The following MCTP1 variants were observed in gnomAD, a reference collection of about 807,000 sequenced individuals.
MCTP1 encodes the protein multiple C2 and transmembrane domain containing 1.
Under a neutral mutation model 120.6 loss-of-function variants are expected in MCTP1, and 69 were observed. The observed-to-expected ratio is 0.57, with a 90% CI of 0.47 to 0.70. The LOEUF (loss-of-function observed/expected upper bound fraction) is 0.70, where lower values mean the gene tolerates loss of function less well. Among genes scored for constraint, MCTP1 ranks in the 30% least tolerant of loss-of-function variants. The probability of loss-of-function intolerance (pLI) is 0.00; values close to 1 mark genes in which losing one functional copy is unlikely to be tolerated. For synonymous variants in MCTP1, 529 were observed against 493.1 expected, an observed-to-expected ratio of 1.07 and a Z score of -0.96; for missense variants, 1,203 against 1,248.8, an observed-to-expected ratio of 0.96 and a Z score of 0.55.
intron 1 of MCTP1, among the ~76,000 whole-genome samples, chr5:95,164,468 A>G (rs1280208249): frequency 2.6e-5 from 4 of 152,200 alleles, no homozygotes; most frequent in Non-Finnish European, 5.9e-5. Context: ...TCATACAGCA[A>G]ATTAATTACC....
At chr5:95,042,962 T>C (rs1372149256) in intron 1 of MCTP1, among the ~76,000 whole-genome samples, 3 of 152,228 alleles carry the variant, frequency 2.0e-5, no homozygotes, top group South Asian at 4.1e-4. Context: ...TTTTGTCTTA[T>C]GTAGATCTTG....
intron 2 of MCTP1, among the ~76,000 whole-genome samples, chr5:94,980,473 G>A (rs1829153047): frequency 6.6e-6 from 1 of 152,072 alleles, no homozygotes; most frequent in South Asian, 2.1e-4. Context: ...GGAATTCAAT[G>A]AAATATTGAA....
chr5:95,126,350 G>T (rs921852494), intron 1 of MCTP1, among the ~76,000 whole-genome samples: 1 of 152,094 alleles, frequency 6.6e-6, no homozygotes, highest in Admixed American at 6.6e-5. Context: ...GTTTAACTTG[G>T]CTCATATTAA....
intron 8 of MCTP1, among the ~76,000 whole-genome samples, chr5:94,915,161 T>C (rs1809724176): frequency 6.6e-6 from 1 of 152,186 alleles, no homozygotes; most frequent in Non-Finnish European, 1.5e-5. Flanking sequence ...CATATCTACA[T>C]TACAACATTT....
intron 21 of MCTP1, chr5:94,710,322 T>C (rs1489593077): frequency 6.5e-6 from 1 of 152,826 alleles, no homozygotes; most frequent in Non-Finnish European, 1.5e-5. Flanking sequence ...TTAGTACACA[T>C]AAAAGGATCC....
At chr5:95,007,748 T>G (rs1581807420) in intron 2 of MCTP1, among the ~76,000 whole-genome samples, 1 of 152,228 alleles carries the variant, frequency 6.6e-6, no homozygotes, top group Non-Finnish European at 1.5e-5. Context: ...GAAACTTCAC[T>G]GGGGGTAAAC....
At chr5:94,826,561 T>G (rs574789188) in intron 17 of MCTP1, 7 of 726,628 alleles carry the variant, frequency 9.6e-6, no homozygotes, top group African/African-American at 1.7e-5. Context: ...GCTTCCTCCT[T>G]CCCTTTCAAA....
intron 1 of MCTP1, among the ~76,000 whole-genome samples, chr5:95,041,311 G>GAAAAAAAA (rs58379749): frequency 1.3e-3 from 118 of 89,618 alleles, no homozygotes; most frequent in Non-Finnish European, 1.6e-3. Context: ...CCCATGCTCT[G>GAAAAAAAA]AAAAAAAAAA....
intron 19 of MCTP1, among the ~76,000 whole-genome samples, chr5:94,777,927 C>CGCGT (rs112194344): frequency 1.5e-4 from 23 of 148,962 alleles, no homozygotes; most frequent in African/African-American, 5.5e-4. Context: ...AGAAAGTGTG[C>CGCGT]GTGTGTGTGT....
chr5:94,858,351 G>C (rs976298761), intron 17 of MCTP1, among the ~76,000 whole-genome samples: 1 of 151,580 alleles, frequency 6.6e-6, no homozygotes, highest in Admixed American at 6.6e-5. Context: ...AGTGTGATGT[G>C]ATTTCCACTA....
intron 17 of MCTP1, among the ~76,000 whole-genome samples, chr5:94,815,242 C>T (rs7707642): frequency 0.12 from 18,165 of 152,170 alleles, 1,281 homozygotes; most frequent in East Asian, 0.26. Flanking sequence ...TCTAGGATAA[C>T]CCCATATCTT....
intron 1 of MCTP1, among the ~76,000 whole-genome samples, chr5:95,063,170 T>G (rs1749713853): frequency 6.6e-6 from 1 of 152,178 alleles, no homozygotes; most frequent in South Asian, 2.1e-4. Flanking sequence ...TAAAACAAAT[T>G]TCCCCAACAC....
intron 1 of MCTP1, among the ~76,000 whole-genome samples, chr5:95,138,332 C>A (rs1360216931): frequency 6.6e-6 from 1 of 151,144 alleles, no homozygotes; most frequent in Non-Finnish European, 1.5e-5. Flanking sequence ...AAAACAAGGC[C>A]CAGAGAGCTT....
rs951038417 is a variant in MCTP1, at chr5:94,821,331, T to G, written c.2437-22199A>C. ...CACTGAGCAACTAATGGGCTTAAAA[T>G]AGAAATATCAAGAAAATTGTGAATC... On this transcript the variant is annotated intron_variant, in intron 17 of 22. Transcript: ENST00000515393. Among the ~76,000 whole-genome samples, 4 of 152,304 alleles carry G rather than the reference T, an allele frequency of 2.6e-5. No individual in the cohort carries two copies. The South Asian group carries it at 6.2e-4, about 24-fold the overall frequency.
chr5:95,011,767 A>C (rs756630210), intron 2 of MCTP1, among the ~76,000 whole-genome samples: 13 of 152,158 alleles, frequency 8.5e-5, no homozygotes, highest in Non-Finnish European at 1.9e-4. Flanking sequence ...ACCCAGTCTC[A>C]GGTAATTGTT....
chr5:95,149,574 G>C (rs1415342022), intron 1 of MCTP1, among the ~76,000 whole-genome samples: 1 of 152,146 alleles, frequency 6.6e-6, no homozygotes, highest in South Asian at 2.1e-4. Context: ...ACACAGAGCT[G>C]TGCCCGCCCA....
chr5:94,774,914 C>G (rs1391631195), intron 19 of MCTP1, among the ~76,000 whole-genome samples: 2 of 152,136 alleles, frequency 1.3e-5, no homozygotes, highest in Non-Finnish European at 2.9e-5. Flanking sequence ...AAAATCTTCT[C>G]TCATATCACA....
At chr5:94,789,857 TTGAA>T (rs1374670642) in intron 18 of MCTP1, among the ~76,000 whole-genome samples, 6 of 152,206 alleles carry the variant, frequency 3.9e-5, no homozygotes, top group Non-Finnish European at 8.8e-5. Context: ...ATAATATTTG[TTGAA>T]TGAAAGTAAT....
chr5:94,815,421 T>C (rs1784314716), intron 17 of MCTP1, among the ~76,000 whole-genome samples: 1 of 152,230 alleles, frequency 6.6e-6, no homozygotes, highest in South Asian at 2.1e-4. Flanking sequence ...CAATCTAAAC[T>C]GCCTCCCTGT....
Sources: allele counts gnomAD v4.1 joint callset (sites outside exome capture counted in the v4.1 genomes callset), GRCh38; gene constraint gnomAD v4.1.1; transcripts MANE v1.5; gene names NCBI Gene and HGNC (gene_info 2026-07-23, HGNC 2026-07-21).